Variants in CSMD1 observed in about 807,000 individuals in gnomAD.
The protein encoded by CSMD1 is CUB and sushi domain-containing protein 1.
CSMD1 carries 213 observed loss-of-function variants against 417.5 expected under a neutral mutation model. The observed-to-expected ratio is 0.51, with a 90% CI of 0.46 to 0.57. CSMD1 has a LOEUF of 0.57. Among genes scored for constraint, CSMD1 ranks in the 20% least tolerant of loss-of-function variants. The probability of loss-of-function intolerance (pLI) is 0.00; values close to 1 mark genes in which losing one functional copy is unlikely to be tolerated. For missense variants in CSMD1, 6,923 were observed against 4,529.7 expected, an observed-to-expected ratio of 1.53 and a Z score of -15.17; for synonymous variants, 2,862 against 1,736.8, an observed-to-expected ratio of 1.65 and a Z score of -16.11.
intron 1 of CSMD1, among the ~76,000 whole-genome samples, chr8:4,949,268 G>C (rs938796141): frequency 2.6e-5 from 4 of 151,666 alleles, no homozygotes; most frequent in African/African-American, 9.7e-5. Context: ...GAGTGGCCTG[G>C]GATTGTCCTT....
chr8:4,564,539 G>C (rs1409349523), intron 2 of CSMD1, among the ~76,000 whole-genome samples: 3 of 152,258 alleles, frequency 2.0e-5, no homozygotes, highest in African/African-American at 7.2e-5. Flanking sequence ...GTTCGAAACA[G>C]AAGCATTCCA....
chr8:4,503,253 T>C (rs961160969), intron 2 of CSMD1, among the ~76,000 whole-genome samples: 2 of 152,150 alleles, frequency 1.3e-5, no homozygotes, highest in Admixed American at 6.6e-5. Context: ...CATTGCACTT[T>C]GCCATGGCAG....
chr8:4,451,543 A>G (rs1288519107), intron 2 of CSMD1, among the ~76,000 whole-genome samples: 1 of 152,120 alleles, frequency 6.6e-6, no homozygotes, highest in Non-Finnish European at 1.5e-5. Flanking sequence ...GTGACTCTGG[A>G]AAGGTAAAGG....
At chr8:3,399,737 G>A (rs1811923932) in intron 15 of CSMD1, among the ~76,000 whole-genome samples, 2 of 152,176 alleles carry the variant, frequency 1.3e-5, no homozygotes, top group Admixed American at 1.3e-4. Context: ...TTACCTTGAA[G>A]CAAAGTTCTT....
intron 10 of CSMD1, among the ~76,000 whole-genome samples, chr8:3,550,596 T>C (rs1048740840): frequency 6.6e-6 from 1 of 152,228 alleles, no homozygotes; most frequent in African/African-American, 2.4e-5. Context: ...CCTAAGTTCC[T>C]TTCTCTGACC....
At chr8:3,073,280 C>A (rs1260241831) in intron 49 of CSMD1, among the ~76,000 whole-genome samples, 1 of 151,928 alleles carries the variant, frequency 6.6e-6, no homozygotes, top group African/African-American at 2.4e-5. Flanking sequence ...AAATAGATAC[C>A]CACCTACCAG....
intron 12 of CSMD1, among the ~76,000 whole-genome samples, chr8:3,421,830 G>T (rs186542807): frequency 6.6e-6 from 1 of 151,996 alleles, no homozygotes; most frequent in Non-Finnish European, 1.5e-5. Flanking sequence ...TACAGACAGG[G>T]TTTCACCATA....
intron 1 of CSMD1, among the ~76,000 whole-genome samples, chr8:4,648,078 T>C (rs1803649995): frequency 6.6e-6 from 1 of 152,220 alleles, no homozygotes; most frequent in Non-Finnish European, 1.5e-5. Context: ...CAAGCATCTG[T>C]TGTTTCCTTA....
intron 5 of CSMD1, among the ~76,000 whole-genome samples, chr8:3,863,968 T>C (rs912963755): frequency 2.6e-5 from 4 of 152,226 alleles, no homozygotes; most frequent in Non-Finnish European, 5.9e-5. Context: ...TTCTTTTTCC[T>C]GAGGCTGCAG....
At chr8:4,133,959 C>G (rs980432022) in intron 3 of CSMD1, among the ~76,000 whole-genome samples, 22 of 152,060 alleles carry the variant, frequency 1.4e-4, no homozygotes, top group South Asian at 6.2e-4. Flanking sequence ...GTCATGCAAA[C>G]AAACATTTTT....
chr8:3,281,665 G>A (rs928037862), intron 26 of CSMD1, among the ~76,000 whole-genome samples: 4 of 152,176 alleles, frequency 2.6e-5, no homozygotes, highest in Admixed American at 6.5e-5. Flanking sequence ...TGATTGCTAG[G>A]AATTAGGAGG....
intron 1 of CSMD1, among the ~76,000 whole-genome samples, chr8:4,953,759 G>T (rs2117296216): frequency 6.6e-6 from 1 of 152,204 alleles, no homozygotes; most frequent in East Asian, 1.9e-4. Flanking sequence ...CTGTCTTTCT[G>T]CAAGGCTAAT....
chr8:3,266,771 T>C (rs576409065), intron 26 of CSMD1, among the ~76,000 whole-genome samples: 12 of 126,856 alleles, frequency 9.5e-5, no homozygotes, highest in Non-Finnish European at 1.6e-4. Context: ...TGAGACACTG[T>C]CTTAAAAAAA....
chr8:4,982,362 G>C (rs536440663), intron 1 of CSMD1, among the ~76,000 whole-genome samples: 1 of 152,292 alleles, frequency 6.6e-6, no homozygotes, highest in East Asian at 1.9e-4. Flanking sequence ...AGTTGTTCCT[G>C]GTGGCATCTG....
At chr8:4,055,917 C>G (rs1256312222) in intron 3 of CSMD1, among the ~76,000 whole-genome samples, 16 of 152,020 alleles carry the variant, frequency 1.1e-4, no homozygotes. Flanking sequence ...AGTATTTAAG[C>G]TTTTAAACAA....
intron 1 of CSMD1, among the ~76,000 whole-genome samples, chr8:4,719,902 C>G (rs1330717048): frequency 2.6e-5 from 4 of 151,940 alleles, no homozygotes; most frequent in Non-Finnish European, 5.9e-5. Context: ...CTATATTCGA[C>G]CTCACTTTTT....
rs924993845 is a variant in CSMD1 at position 3,837,486 on chromosome 8, C to T, written c.819-83444G>A. ...CCTCCTGGGACCTAATGCTGAACAG[C>T]AGAAACAAGATGTGAGATCCTGAGG... On this transcript the variant is annotated intron_variant, in intron 5 of 69. Transcript: ENST00000635120. Among the ~76,000 whole-genome samples the T allele has an allele frequency of 1.3e-5, 2 of 152,034 alleles. 1 individual carries two copies. The highest frequency in any genetic ancestry group is 1.3e-4 in the Admixed American group (2 of 15,230).
chr8:3,921,800 A>G (rs538757069), intron 5 of CSMD1, among the ~76,000 whole-genome samples: 10 of 152,304 alleles, frequency 6.6e-5, no homozygotes, highest in Non-Finnish European at 1.5e-4. Flanking sequence ...TTTATGGCCT[A>G]ACATATGATC....
At chr8:3,229,722 G>C (rs1471150471) in intron 27 of CSMD1, among the ~76,000 whole-genome samples, 1 of 152,016 alleles carries the variant, frequency 6.6e-6, no homozygotes, top group Non-Finnish European at 1.5e-5. Context: ...AGCAATGGTA[G>C]GTTTATAAAT....
Sources: gnomAD v4.1 joint callset for allele counts (sites outside exome capture counted in the v4.1 genomes callset) on GRCh38, gnomAD v4.1.1 for gene constraint, MANE v1.5 for transcripts, NCBI Gene and HGNC (gene_info 2026-07-23, HGNC 2026-07-21) for gene names.